Variants in PPP2R2B observed in about 807,000 individuals in gnomAD.
The protein encoded by PPP2R2B is protein phosphatase 2 regulatory subunit Bbeta.
Under a neutral mutation model 46.0 loss-of-function variants are expected in PPP2R2B, and 5 were observed. The observed-to-expected ratio is 0.11, with a 90% CI of 0.06 to 0.23. PPP2R2B has a LOEUF of 0.23. Ranked by LOEUF, PPP2R2B falls within the 10% of genes least tolerant of loss-of-function variation. The pLI is 1.00. For missense variants in PPP2R2B, 367 were observed against 575.0 expected (o/e 0.64, Z 3.70); for synonymous variants, 215 against 206.7 (o/e 1.04, Z -0.34).
intron 2 of PPP2R2B, among the ~76,000 whole-genome samples, chr5:146,812,833 A>ATATT (rs1264853447): frequency 3.7e-5 from 4 of 108,386 alleles, no homozygotes; most frequent in African/African-American, 1.5e-4. Flanking sequence ...ATATATACAC[A>ATATT]CACATTTCCA....
chr5:146,844,370 T>TA (rs374625813), intron 2 of PPP2R2B, among the ~76,000 whole-genome samples: 10,037 of 136,130 alleles, frequency 0.074, 609 homozygotes, highest in African/African-American at 0.19. Flanking sequence ...AAAAAAACAT[T>TA]AAAAAAAAAT....
At chr5:146,873,946 T>C (rs1181042447) in intron 2 of PPP2R2B, among the ~76,000 whole-genome samples, 1 of 152,226 alleles carries the variant, frequency 6.6e-6, no homozygotes, top group Non-Finnish European at 1.5e-5. Flanking sequence ...TTCCATTCCT[T>C]GAATCAGTTA....
chr5:146,951,428 G>T (rs1436243941), intron 1 of PPP2R2B, among the ~76,000 whole-genome samples: 2 of 151,784 alleles, frequency 1.3e-5, no homozygotes, highest in East Asian at 3.9e-4. Flanking sequence ...GTGCCATGGT[G>T]ATTTGCTGCA....
chr5:147,072,737 AG>A (rs1757638229), intron 2 of PPP2R2B, among the ~76,000 whole-genome samples: 1 of 152,232 alleles, frequency 6.6e-6, no homozygotes. Context: ...GGTATTGTGC[AG>A]CACTTTCAAA....
chr5:146,770,759 T>C (rs1754802799), intron 2 of PPP2R2B, among the ~76,000 whole-genome samples: 2 of 152,134 alleles, frequency 1.3e-5, no homozygotes, highest in Non-Finnish European at 2.9e-5. Context: ...TGGGAGCTGT[T>C]ATCAGGAAGA....
chr5:146,786,068 T>G (rs1337252656), intron 2 of PPP2R2B, among the ~76,000 whole-genome samples: 1 of 152,170 alleles, frequency 6.6e-6, no homozygotes, highest in Non-Finnish European at 1.5e-5. Context: ...ATAAAATCTT[T>G]GAGGTGATGG....
At chr5:146,949,584 A>C (rs1199691582) in intron 1 of PPP2R2B, among the ~76,000 whole-genome samples, 2 of 152,080 alleles carry the variant, frequency 1.3e-5, no homozygotes, top group African/African-American at 2.4e-5. Flanking sequence ...AAATTAGTAC[A>C]ACCACTAGGT....
chr5:146,855,911 G>T (rs1458724), intron 2 of PPP2R2B, among the ~76,000 whole-genome samples: 1,764 of 152,298 alleles, frequency 0.012, 37 homozygotes, highest in African/African-American at 0.041. Context: ...AGTTAATAAT[G>T]AAAGGGCTTT....
chr5:146,969,484 A>C (rs1005300157), intron 1 of PPP2R2B, among the ~76,000 whole-genome samples: 1 of 152,224 alleles, frequency 6.6e-6, no homozygotes, highest in Non-Finnish European at 1.5e-5. Flanking sequence ...ACTTACTGAC[A>C]GTTTATATAA....
Position 147,055,714 on chromosome 5 carries a change from G to T in PPP2R2B, c.30C>A (p.Tyr10Ter), listed in dbSNP as rs780272136. Residue 10 changes from tyrosine (Y) to a stop codon, truncating the protein, a stop_gained, in exon 1 of 9, where the codon TAC becomes TAA. Transcript: ENST00000336640. LOFTEE classifies it high-confidence loss of function. Reference sequence around the variant, plus strand: ...GGATGGTGTTCGGAGGTCTGAAGATGTAAGGCAGGTAACGAGAGAAGCATT... The same window carrying T: ...GGATGGTGTTCGGAGGTCTGAAGATTTAAGGCAGGTAACGAGAGAAGCATT... 1 of 1,613,364 alleles carries T rather than the reference G, an allele frequency of 6.2e-7. No individual in the cohort carries two copies. Among genetic ancestry groups the T allele is most frequent in the Admixed American group, 1.7e-5 (1 of 59,942 alleles).
At chr5:146,863,940 G>A (rs1761159856) in intron 2 of PPP2R2B, among the ~76,000 whole-genome samples, 1 of 152,096 alleles carries the variant, frequency 6.6e-6, no homozygotes, top group Admixed American at 6.6e-5. Flanking sequence ...ATCGCTCACT[G>A]AAAATATGGA....
chr5:146,916,068 T>C (rs567550627), intron 1 of PPP2R2B, among the ~76,000 whole-genome samples: 5 of 152,282 alleles, frequency 3.3e-5, no homozygotes, highest in African/African-American at 1.2e-4. Context: ...TACATTAGTA[T>C]AGCATCTCTA....
chr5:146,587,280 T>C lies in PPP2R2B; in HGVS notation c.*2667A>G, dbSNP rs1770212751. The C allele has an allele frequency of 6.6e-6, 1 of 152,216 alleles. No individual in the cohort carries two copies. Among genetic ancestry groups the C allele is most frequent in the African/African-American group, 2.4e-5 (1 of 41,440 alleles). The allele number at this position is 152,216 out of a possible 1,614,324, so 9.4% of individuals were successfully genotyped here. ...AATTTGTGAAACATCGTGGTGGTTA[T>C]TGCTCCCTGAGGCCTAATCTCTAGG... On this transcript the variant is annotated 3_prime_UTR_variant, in exon 10 of 10. Transcript: ENST00000394411.
In PPP2R2B at chr5:146,585,112, G is replaced by A. The variant is rs1306902403; in HGVS notation, c.*4835C>T. The A allele has an allele frequency of 6.6e-6, 1 of 152,186 alleles. No homozygotes were observed. The highest frequency in any genetic ancestry group is 1.5e-5 in the Non-Finnish European group (1 of 68,044). 9.4% of individuals were successfully genotyped at this position (152,186 alleles called of 1,614,324 possible). A position where few individuals can be genotyped will look rare whatever the true frequency, so the allele number is the denominator to read the frequency against. On this transcript the variant is annotated 3_prime_UTR_variant, in exon 10 of 10. Coordinates refer to ENST00000394411, the MANE Select transcript of PPP2R2B (RefSeq NM_181675.4). The stretch of plus-strand genomic sequence containing the variant: ...GTCATCTCTTGGAGGGCAGGGGCCA[G>A]TGGTTTAAATATCTTAGTAACTCCA...
chr5:146,727,623 C>T lies in PPP2R2B; in HGVS notation c.71-26481G>A, dbSNP rs564862517. The stretch of plus-strand genomic sequence containing the variant: ...TAACAGCCCGGACTTCACCACTATG[C>T]AATAGATCCATGGAACACAACTGCA... On this transcript the variant is annotated intron_variant, in intron 2 of 9. Transcript: ENST00000394411. 4.6e-4 allele frequency among the ~76,000 whole-genome samples: 70 copies of T among 151,898 alleles called. 1 individual carries two copies. Among genetic ancestry groups the T allele is most frequent in the African/African-American group, 1.6e-3 (68 of 41,406 alleles).
intron 1 of PPP2R2B, among the ~76,000 whole-genome samples, chr5:147,024,801 A>G (rs1171308373): frequency 6.6e-6 from 1 of 152,214 alleles, no homozygotes; most frequent in African/African-American, 2.4e-5. Context: ...AAAATTTATT[A>G]CTTGCAGATA....
At chr5:146,890,449 C>A (rs1022876689) in intron 1 of PPP2R2B, among the ~76,000 whole-genome samples, 1 of 152,202 alleles carries the variant, frequency 6.6e-6, no homozygotes, top group Non-Finnish European at 1.5e-5. Flanking sequence ...AAAGTATAGG[C>A]AGCTTTAGAA....
intron 1 of PPP2R2B, among the ~76,000 whole-genome samples, chr5:146,912,193 C>T (rs995110976): frequency 8.4e-5 from 12 of 142,218 alleles, no homozygotes; most frequent in Non-Finnish European, 1.6e-4. Flanking sequence ...GAGCCGAGAT[C>T]GCGCCACTGC....
intron 5 of PPP2R2B, among the ~76,000 whole-genome samples, chr5:146,687,737 C>T (rs1452040157): frequency 1.3e-5 from 2 of 152,120 alleles, no homozygotes; most frequent in African/African-American, 2.4e-5. Flanking sequence ...TTTTGAAAGG[C>T]TATCTTCTAT....
Sources: gnomAD v4.1 joint callset for allele counts (sites outside exome capture counted in the v4.1 genomes callset) on GRCh38, gnomAD v4.1.1 for gene constraint, MANE v1.5 for transcripts, NCBI Gene and HGNC (gene_info 2026-07-23, HGNC 2026-07-21) for gene names.